DSCAM: variants seen among roughly 807,000 people sequenced by gnomAD.
DSCAM encodes the protein DS cell adhesion molecule, also known as cell adhesion molecule DSCAM.
In DSCAM, 47 loss-of-function variants were observed where a neutral mutation model predicts 217.7. The observed-to-expected ratio is 0.22, with a 90% CI of 0.17 to 0.28. DSCAM has a LOEUF of 0.28. Among genes scored for constraint, DSCAM ranks in the 10% least tolerant of loss-of-function variants. The pLI, the probability that DSCAM is intolerant of heterozygous loss-of-function variation, is 1.00. For missense variants in DSCAM, 2,080 were observed against 2,618.3 expected, an observed-to-expected ratio of 0.79 and a Z score of 4.49; for synonymous variants, 1,056 against 1,015.3, an observed-to-expected ratio of 1.04 and a Z score of -0.76.
chr21:40,541,837 A>G (rs940860241), intron 3 of DSCAM, among the ~76,000 whole-genome samples: 1 of 152,248 alleles, frequency 6.6e-6, no homozygotes, highest in Non-Finnish European at 1.5e-5. Flanking sequence ...CACTGAAAGT[A>G]GTAGAAGACA....
chr21:40,080,093 TCTC>T, intron 25 of DSCAM, 56 bp downstream of exon 25: 1 of 1,300,176 alleles, frequency 7.7e-7, no homozygotes, highest in South Asian at 1.3e-5. Flanking sequence ...ATGATTCCAA[TCTC>T]CTCTTCTGGC....
intron 3 of DSCAM, among the ~76,000 whole-genome samples, chr21:40,401,008 C>T (rs1483980826): frequency 6.6e-6 from 1 of 152,090 alleles, no homozygotes; most frequent in East Asian, 1.9e-4. Flanking sequence ...TACAGTTTTT[C>T]CACAATTTGA....
chr21:40,243,439 C>G (rs1356635032), intron 11 of DSCAM, among the ~76,000 whole-genome samples: 1 of 152,100 alleles, frequency 6.6e-6, no homozygotes, highest in East Asian at 1.9e-4. Flanking sequence ...GAAATGAGCA[C>G]TTTTAACAAG....
intron 3 of DSCAM, among the ~76,000 whole-genome samples, chr21:40,510,674 A>C (rs7280362): frequency 0.16 from 24,517 of 152,164 alleles, 2,106 homozygotes; most frequent in Middle Eastern, 0.23. Context: ...ACATTACAGA[A>C]GTTACAATCA....
intron 11 of DSCAM, among the ~76,000 whole-genome samples, chr21:40,264,512 T>C (rs2073496422): frequency 6.6e-6 from 1 of 152,184 alleles, no homozygotes; most frequent in African/African-American, 2.4e-5. Context: ...AATATCCCTT[T>C]ATGATAAAAA....
intron 24 of DSCAM, among the ~76,000 whole-genome samples, chr21:40,080,980 T>C (rs536576604): frequency 1.7e-4 from 26 of 152,324 alleles, no homozygotes; most frequent in African/African-American, 6.3e-4. Context: ...ACTCACTCCA[T>C]GCCAAGCCCT....
intron 21 of DSCAM, among the ~76,000 whole-genome samples, chr21:40,092,583 G>C (rs2089625354): frequency 6.6e-6 from 1 of 152,218 alleles, no homozygotes; most frequent in Non-Finnish European, 1.5e-5. Context: ...GCTGTGTCTA[G>C]AGATAGAACT....
At chr21:40,540,262 G>A (rs938009039) in intron 3 of DSCAM, among the ~76,000 whole-genome samples, 4 of 152,050 alleles carry the variant, frequency 2.6e-5, no homozygotes, top group East Asian at 3.9e-4. Context: ...ATTAAGGTCC[G>A]TCTAGATTCT....
rs769117436 is a variant in DSCAM, at chr21:40,339,186, T to A, written c.1440A>T (p.Gly480=). 10 of 1,613,992 alleles carry A rather than the reference T, an allele frequency of 6.2e-6. No individual in the cohort carries two copies. The highest frequency in any genetic ancestry group is 8.5e-6 in the Non-Finnish European group (10 of 1,180,002). Residue 480 remains glycine, a synonymous_variant, in exon 7 of 33, where the codon GGA becomes GGT. Transcript: ENST00000400454. ...NISSSQVRDG[G]VYRCTANNSA... ...AGTTGTTGGCAGTGCAGCGGTAGACTCCCCCGTCCCGGACCTGGGAGCTGG... is the reference window on the plus strand; with the variant it reads ...AGTTGTTGGCAGTGCAGCGGTAGACACCCCCGTCCCGGACCTGGGAGCTGG...
chr21:40,348,639 A>G (rs929593895), intron 5 of DSCAM, among the ~76,000 whole-genome samples: 4 of 152,180 alleles, frequency 2.6e-5, no homozygotes, highest in African/African-American at 9.6e-5. Flanking sequence ...ATCATACTCC[A>G]CACAGTTCCT....
At chr21:40,466,924 T>C (rs571662908) in intron 3 of DSCAM, among the ~76,000 whole-genome samples, 72 of 152,354 alleles carry the variant, frequency 4.7e-4, no homozygotes, top group Non-Finnish European at 1.0e-3. Context: ...CAAATTTACA[T>C]TGTTTTCCTA....
In DSCAM at chr21:40,187,879, T is replaced by A. The variant is rs746142466; in HGVS notation, c.2650+12A>T. On this transcript the variant is annotated intron_variant, in intron 13 of 32. Transcript: ENST00000400454. ...TGACTGTGTTTATTCTCTTACGCTATCGTCTTCCTACCTTGCACTGTGAGC... is the reference window on the plus strand; with the variant it reads ...TGACTGTGTTTATTCTCTTACGCTAACGTCTTCCTACCTTGCACTGTGAGC... The A allele has an allele frequency of 1.2e-6, 2 of 1,603,838 alleles. No individual in the cohort carries two copies. The highest frequency in any genetic ancestry group is 1.7e-6 in the Non-Finnish European group (2 of 1,170,730).
chr21:40,790,258 T>A (rs1025307841), intron 1 of DSCAM, among the ~76,000 whole-genome samples: 2 of 149,784 alleles, frequency 1.3e-5, no homozygotes, highest in African/African-American at 4.9e-5. Flanking sequence ...CTCGGCTCAC[T>A]GCAACCTCCA....
chr21:40,369,337 C>A, intron 3 of DSCAM, 92 bp from the exon 4 acceptor site: 1 of 1,336,240 alleles, frequency 7.5e-7, no homozygotes, highest in Non-Finnish European at 1.0e-6. Context: ...TTTTTTCCCC[C>A]ACCTGAAGAA....
intron 1 of DSCAM, among the ~76,000 whole-genome samples, chr21:40,799,923 T>C (rs1475861398): frequency 6.6e-6 from 1 of 152,244 alleles, no homozygotes; most frequent in Non-Finnish European, 1.5e-5. Flanking sequence ...GTTTGTCCCC[T>C]CTGAAACTCA....
chr21:40,079,755 T>G (rs975534159), intron 25 of DSCAM, among the ~76,000 whole-genome samples: 1 of 152,082 alleles, frequency 6.6e-6, no homozygotes, highest in Non-Finnish European at 1.5e-5. Flanking sequence ...CCCATCATTT[T>G]CCCTCTGAAA....
At chr21:40,670,789 A>G (rs1291554035) in intron 3 of DSCAM, among the ~76,000 whole-genome samples, 1 of 152,214 alleles carries the variant, frequency 6.6e-6, no homozygotes, top group African/African-American at 2.4e-5. Flanking sequence ...AAATGCTGCT[A>G]TGAACATGGG....
chr21:40,139,824 G>A (rs775711509), intron 18 of DSCAM, among the ~76,000 whole-genome samples: 36 of 150,272 alleles, frequency 2.4e-4, no homozygotes, highest in Non-Finnish European at 3.9e-4. Context: ...TGTGTGTGTG[G>A]TATGCGTGGT....
chr21:40,515,904 G>A (rs1415555391), intron 3 of DSCAM, among the ~76,000 whole-genome samples: 1 of 149,920 alleles, frequency 6.7e-6, no homozygotes, highest in African/African-American at 2.5e-5. Context: ...TTGGGAACAT[G>A]ATATACTTTT....
Sources: gnomAD v4.1 joint callset for allele counts (sites outside exome capture counted in the v4.1 genomes callset) on GRCh38, gnomAD v4.1.1 for gene constraint, MANE v1.5 for transcripts, NCBI Gene and HGNC (gene_info 2026-07-23, HGNC 2026-07-21) for gene names.